The following ASPRV1 variants were observed in gnomAD, a reference collection of about 807,000 sequenced individuals.
ASPRV1 encodes aspartic peptidase retroviral like 1.
A neutral mutation model predicts 11.0 loss-of-function variants in ASPRV1; 7 were observed. The ratio of observed to expected loss-of-function variants is 0.64; its 90% CI spans 0.36 to 1.20. The LOEUF (loss-of-function observed/expected upper bound fraction) is 1.20. Ranked by LOEUF, ASPRV1 falls within the 50% of genes most tolerant of loss-of-function variation. The pLI is 0.02. For synonymous variants in ASPRV1, 136 were observed against 138.4 expected, an observed-to-expected ratio of 0.98 and a Z score of 0.12; for missense variants, 299 against 320.0, an observed-to-expected ratio of 0.93 and a Z score of 0.50.
At chr2:69,995,658 G>A in the ASPRV1 span, among the ~76,000 whole-genome samples, 16 of 152,268 alleles carry the variant, frequency 1.1e-4, no homozygotes, top group Admixed American at 3.9e-4. Flanking sequence ...AGCCTTCTTG[G>A]AGGAGGTGGG....
At chr2:70,066,534 C>T in the ASPRV1 span, among the ~76,000 whole-genome samples, 1 of 152,058 alleles carries the variant, frequency 6.6e-6, no homozygotes, top group Non-Finnish European at 1.5e-5. Context: ...TGAGCCACTG[C>T]GCCTGGCCTC....
the ASPRV1 span, among the ~76,000 whole-genome samples, chr2:69,998,668 G>A: frequency 6.6e-6 from 1 of 151,470 alleles, no homozygotes; most frequent in African/African-American, 2.4e-5. Flanking sequence ...GGCGGATCTT[G>A]CAGTGAGCAG....
At chr2:69,986,041 G>A in the ASPRV1 span, among the ~76,000 whole-genome samples, 1 of 152,214 alleles carries the variant, frequency 6.6e-6, no homozygotes, top group African/African-American at 2.4e-5. Context: ...GTCGGGACAG[G>A]GGGAATACCT....
At chr2:70,069,307 G>C in the ASPRV1 span, 1 of 152,194 alleles carries the variant, frequency 6.6e-6, no homozygotes, top group African/African-American at 2.4e-5. Context: ...TGAAGGGCTG[G>C]GGAAATCCAA....
the ASPRV1 span, among the ~76,000 whole-genome samples, chr2:69,951,925 T>C: frequency 6.6e-6 from 1 of 152,216 alleles, no homozygotes; most frequent in Non-Finnish European, 1.5e-5. Flanking sequence ...TAATAACTTA[T>C]ACACTGCTTA....
the ASPRV1 span, among the ~76,000 whole-genome samples, chr2:69,943,916 C>T: frequency 6.6e-6 from 1 of 152,328 alleles, no homozygotes; most frequent in East Asian, 1.9e-4. Flanking sequence ...TTCTAAAAAC[C>T]ACCTAAAATT....
the ASPRV1 span, chr2:69,935,580 G>A: frequency 1.4e-6 from 1 of 699,040 alleles, no homozygotes; most frequent in Non-Finnish European, 2.6e-6. Context: ...GCTATTGGAT[G>A]AATCACAGGT....
chr2:69,993,789 G>A, the ASPRV1 span: 1 of 152,174 alleles, frequency 6.6e-6, no homozygotes, highest in Non-Finnish European at 1.5e-5. Flanking sequence ...GTTTCCATGT[G>A]CTGTTTAATT....
the ASPRV1 span, chr2:70,075,113 CTTT>C: frequency 1.4e-5 from 2 of 139,442 alleles, no homozygotes; most frequent in Non-Finnish European, 1.6e-5. Flanking sequence ...AAGATAACAT[CTTT>C]TTTTTTTTTT....
At chr2:69,940,068 G>C in the ASPRV1 span, 3 of 127,028 alleles carry the variant, frequency 2.4e-5, no homozygotes, top group Non-Finnish European at 4.7e-5. Context: ...AAAGTCACCT[G>C]TAATTCTTCT....
At chr2:70,063,710 T>C in the ASPRV1 span, among the ~76,000 whole-genome samples, 8 of 151,208 alleles carry the variant, frequency 5.3e-5, no homozygotes, top group Non-Finnish European at 8.8e-5. Context: ...AAAGAGCCCA[T>C]AAAATACAGA....
At chr2:70,000,788 C>CAAAAAAAAAAAA in the ASPRV1 span, among the ~76,000 whole-genome samples, 90 of 42,038 alleles carry the variant, frequency 2.1e-3, no homozygotes, top group African/African-American at 3.8e-3. Flanking sequence ...GACCCTGCCT[C>CAAAAAAAAAAAA]AAAAAAAAAA....
At chr2:70,055,370 A>G in the ASPRV1 span, among the ~76,000 whole-genome samples, 1 of 152,168 alleles carries the variant, frequency 6.6e-6, no homozygotes, top group Admixed American at 6.5e-5. Context: ...TAACAAAGAC[A>G]TGGAACCAAC....
chr2:70,056,186 G>A, the ASPRV1 span: 1 of 152,186 alleles, frequency 6.6e-6, no homozygotes, highest in African/African-American at 2.4e-5. Context: ...AGAGAGAAAG[G>A]AGGGGTAGGG....
chr2:69,973,514 A>G, the ASPRV1 span, among the ~76,000 whole-genome samples: 3 of 152,142 alleles, frequency 2.0e-5, no homozygotes, highest in African/African-American at 7.2e-5. Context: ...CGCCCAGCTA[A>G]CTTTTTTATT....
chr2:70,075,603 T>G, the ASPRV1 span, among the ~76,000 whole-genome samples: 1 of 151,974 alleles, frequency 6.6e-6, no homozygotes, highest in Admixed American at 6.6e-5. Flanking sequence ...TCCCAGCACT[T>G]AGGGAGGCTG....
chr2:69,997,303 C>T, the ASPRV1 span, among the ~76,000 whole-genome samples: 1 of 152,228 alleles, frequency 6.6e-6, no homozygotes, highest in East Asian at 1.9e-4. Flanking sequence ...TTATCCATCT[C>T]CTCCGCACCA....
chr2:70,023,098 CTCTT>C, the ASPRV1 span, among the ~76,000 whole-genome samples: 1 of 152,198 alleles, frequency 6.6e-6, no homozygotes, highest in Admixed American at 6.6e-5. Flanking sequence ...ATAAGATCCA[CTCTT>C]TCTTTTCAAA....
the ASPRV1 span, chr2:70,086,323 G>C: frequency 1.3e-5 from 2 of 152,246 alleles, no homozygotes; most frequent in African/African-American, 4.8e-5. Flanking sequence ...AGGCGGAGTA[G>C]CGCCACGTTA....
Sources: allele counts gnomAD v4.1 joint callset (sites outside exome capture counted in the v4.1 genomes callset), GRCh38; gene constraint gnomAD v4.1.1; transcripts MANE v1.5; gene names NCBI Gene and HGNC (gene_info 2026-07-23, HGNC 2026-07-21).